Variants in SYNRG observed in about 807,000 individuals in gnomAD.
The protein encoded by SYNRG is AP1 gamma subunit binding protein 1.
In SYNRG, 37 loss-of-function variants were observed where a neutral mutation model predicts 130.9. The ratio of observed to expected loss-of-function variants is 0.28; its 90% CI spans 0.22 to 0.37. The LOEUF is 0.37. Among genes scored for constraint, SYNRG ranks in the 10% least tolerant of loss-of-function variants. The pLI is 1.00. For missense variants in SYNRG, 1,338 were observed against 1,588.9 expected (o/e 0.84, Z 2.68); for synonymous variants, 539 against 568.1 (o/e 0.95, Z 0.73).
At chr17:37,540,630 C>CTTTTTTTTT (rs767724523) in intron 15 of SYNRG, 87 bp from the exon 16 acceptor site, 4 of 695,990 alleles carry the variant, frequency 5.7e-6, no homozygotes, top group Non-Finnish European at 6.2e-6. Context: ...CAACCCTCTT[C>CTTTTTTTTT]TTTTTTTTTT....
chr17:37,547,150 C>T (rs1049171593), intron 14 of SYNRG, among the ~76,000 whole-genome samples: 2 of 152,190 alleles, frequency 1.3e-5, no homozygotes, highest in Non-Finnish European at 2.9e-5. Context: ...CTGACTCACA[C>T]AACTTCATGG....
chr17:37,574,195 G>T (rs561420808), intron 8 of SYNRG, among the ~76,000 whole-genome samples: 4 of 152,030 alleles, frequency 2.6e-5, no homozygotes, highest in African/African-American at 9.7e-5. Context: ...GGAAAAACTG[G>T]ATCTCCATAT....
chr17:37,543,316 A>AT (rs933384332), intron 14 of SYNRG, among the ~76,000 whole-genome samples: 3 of 151,772 alleles, frequency 2.0e-5, no homozygotes, highest in African/African-American at 7.3e-5. Context: ...TCTACTCCCC[A>AT]TTTTTTAAAA....
At chr17:37,566,665 C>A (rs966924515) in intron 11 of SYNRG, among the ~76,000 whole-genome samples, 1 of 151,520 alleles carries the variant, frequency 6.6e-6, no homozygotes, top group African/African-American at 2.4e-5. Flanking sequence ...GTATCATATA[C>A]GAAAGTAAAC....
At chr17:37,582,004 C>T (rs1479127129) in intron 6 of SYNRG, among the ~76,000 whole-genome samples, 1 of 152,098 alleles carries the variant, frequency 6.6e-6, no homozygotes, top group African/African-American at 2.4e-5. Context: ...CTCAGGTGAT[C>T]CACCCACCTC....
At chr17:37,522,306 G>A (rs762465307) in intron 19 of SYNRG, among the ~76,000 whole-genome samples, 1 of 151,824 alleles carries the variant, frequency 6.6e-6, no homozygotes, top group Non-Finnish European at 1.5e-5. Flanking sequence ...GGGGCCACAT[G>A]TGCATGCCAC....
chr17:37,517,999 TAGGCCGAG>T lies in SYNRG; in HGVS notation c.*933_*940del, dbSNP rs1361828596. 6.6e-6 allele frequency: 1 copy of T among 151,902 alleles called. No homozygotes were observed. Among genetic ancestry groups the T allele is most frequent in the East Asian group, 1.9e-4 (1 of 5,178 alleles). 9.4% of individuals were successfully genotyped at this position (151,902 alleles called of 1,614,324 possible). Reference sequence around the variant, plus strand: ...AAATATACATCTTGATACTTTACACTAGGCCGAGAGCTCCACATTTTCACCCTGAATTA... The same window carrying T: ...AAATATACATCTTGATACTTTACACTAGCTCCACATTTTCACCCTGAATTA... On this transcript the variant is annotated 3_prime_UTR_variant, in exon 22 of 22. Coordinates refer to ENST00000612223, the MANE Select transcript of SYNRG (RefSeq NM_007247.6).
chr17:37,561,272 A>G lies in SYNRG; in HGVS notation c.1601-15T>C. ...ATCACCAGGATCTATGATAGAAAGG[A>G]CAGAAGCTCAGTTAAGGTTAGGAAT... On this transcript the variant is annotated splice_polypyrimidine_tract_variant and intron_variant, in intron 12 of 21. Transcript: ENST00000612223. 6.2e-7 allele frequency: 1 copy of G among 1,611,768 alleles called. No homozygotes were observed. The highest frequency in any genetic ancestry group is 8.5e-7 in the Non-Finnish European group (1 of 1,179,270).
intron 14 of SYNRG, among the ~76,000 whole-genome samples, chr17:37,548,486 A>T (rs1236924367): frequency 6.6e-6 from 1 of 152,180 alleles, no homozygotes; most frequent in Non-Finnish European, 1.5e-5. Flanking sequence ...TATTTAAGAC[A>T]CTACAAGTGA....
intron 3 of SYNRG, among the ~76,000 whole-genome samples, chr17:37,592,869 TGTTACTATATTTCTACAA>T (rs2062327991): frequency 6.6e-6 from 1 of 152,126 alleles, no homozygotes; most frequent in East Asian, 1.9e-4. Context: ...ATGCTGGTTG[TGTTACTATATTTCTACAA>T]GTTTTACCAA....
intron 1 of SYNRG, among the ~76,000 whole-genome samples, chr17:37,604,112 TGCCTGTAATCTCA>T (rs1316814565): frequency 6.6e-6 from 1 of 151,862 alleles, no homozygotes; most frequent in African/African-American, 2.4e-5. Flanking sequence ...TGGTGGTGCG[TGCCTGTAATCTCA>T]GCTACTGGGG....
intron 19 of SYNRG, among the ~76,000 whole-genome samples, chr17:37,531,282 C>G (rs3110628): frequency 0.67 from 102,557 of 152,012 alleles, 35,378 homozygotes; most frequent in East Asian, 0.94. Context: ...TTGAGAACTT[C>G]ATAATCTATC....
At chr17:37,600,694 A>G (rs902240904) in intron 1 of SYNRG, 1 of 519,510 alleles carries the variant, frequency 1.9e-6, no homozygotes, top group Non-Finnish European at 3.5e-6. Flanking sequence ...AAAATGAGAG[A>G]GTTTAGATTC....
chr17:37,576,877 T>G (rs1365715404), intron 7 of SYNRG, among the ~76,000 whole-genome samples: 2 of 152,216 alleles, frequency 1.3e-5, no homozygotes, highest in Admixed American at 1.3e-4. Flanking sequence ...GGGGGCTTTC[T>G]GTCCAATAAA....
In SYNRG at chr17:37,520,687, A is replaced by G. The variant is rs1183022028; in HGVS notation, c.3667-39T>C. On this transcript the variant is annotated intron_variant, in intron 19 of 21. Coordinates refer to ENST00000612223, the MANE Select transcript of SYNRG (RefSeq NM_007247.6). ...AAGACAAATGGGTAAGAAGTCCACA[A>G]GTCCACACGCTGTTCACTTCACTCC... is the stretch of plus-strand genomic sequence containing the variant. 1.9e-6 allele frequency: 3 copies of G among 1,551,172 alleles called. No homozygotes were observed. In the South Asian group the frequency reaches 3.3e-5, roughly 17 times the overall value.
chr17:37,588,289 A>T (rs1328249386), intron 3 of SYNRG, among the ~76,000 whole-genome samples: 2 of 127,638 alleles, frequency 1.6e-5, no homozygotes, highest in Non-Finnish European at 3.1e-5. Flanking sequence ...TTGAGACAGG[A>T]TCTCACTCTG....
intron 2 of SYNRG, among the ~76,000 whole-genome samples, chr17:37,599,268 A>G (rs1389332423): frequency 6.6e-6 from 1 of 152,248 alleles, no homozygotes; most frequent in African/African-American, 2.4e-5. Context: ...AGGCAGATCT[A>G]TTCCTTCTTC....
In SYNRG at chr17:37,584,681, G is replaced by A; in HGVS notation, c.556C>T (p.His186Tyr). 1 of 1,613,844 alleles carries A rather than the reference G, an allele frequency of 6.2e-7. No homozygotes were observed. Among genetic ancestry groups the A allele is most frequent in the East Asian group, 2.2e-5 (1 of 44,860 alleles). Reference protein sequence around the residue: ...LDGFSRDAKMHPTPASHPKKP... With the variant: ...LDGFSRDAKMYPTPASHPKKP... ...TTGGGGTGCGATGCTGGAGTAGGGTGCATTTTTGCATCTCTGGAAAACCCA... is the reference window on the plus strand; with the variant it reads ...TTGGGGTGCGATGCTGGAGTAGGGTACATTTTTGCATCTCTGGAAAACCCA... The change falls in exon 6 of 22, where the codon CAC becomes TAC. Residue 186 changes from histidine to tyrosine, a missense_variant. By Grantham distance (83) the His-to-Tyr change is moderately conservative. Transcript: ENST00000612223.
intron 1 of SYNRG, among the ~76,000 whole-genome samples, chr17:37,606,882 C>T (rs1178723343): frequency 6.6e-6 from 1 of 151,980 alleles, no homozygotes; most frequent in African/African-American, 2.4e-5. Flanking sequence ...GAGAAGTTGC[C>T]TGTTTTTTTT....
Sources: allele counts gnomAD v4.1 joint callset (sites outside exome capture counted in the v4.1 genomes callset), GRCh38; gene constraint gnomAD v4.1.1; transcripts MANE v1.5; gene names NCBI Gene and HGNC (gene_info 2026-07-23, HGNC 2026-07-21).